The following DTX4 variants were observed in gnomAD, a reference collection of about 807,000 sequenced individuals.
DTX4 encodes the protein E3 ubiquitin-protein ligase DTX4.
DTX4 carries 28 observed loss-of-function variants against 57.6 expected under a neutral mutation model. The ratio of observed to expected loss-of-function variants is 0.49; its 90% confidence interval spans 0.36 to 0.67. The LOEUF (loss-of-function observed/expected upper bound fraction) is 0.67. Among genes scored for constraint, DTX4 ranks in the 30% least tolerant of loss-of-function variants. The pLI is 0.00. For synonymous variants in DTX4, 316 were observed against 331.0 expected (o/e 0.95, Z 0.49); for missense variants, 715 against 836.8 (o/e 0.85, Z 1.80).
intron 3 of DTX4, 22 bp from the exon 4 acceptor site, chr11:59,189,140 A>G: frequency 6.2e-7 from 1 of 1,612,284 alleles, no homozygotes; most frequent in Non-Finnish European, 8.5e-7. Context: ...GTCTTTCCTC[A>G]CCCATGCCCT....
In DTX4 at chr11:59,172,253, G is replaced by A. The variant is rs865853398; in HGVS notation, c.-343G>A. On this transcript the variant is annotated 5_prime_UTR_variant, in exon 1 of 9. Coordinates refer to ENST00000227451, the MANE Select transcript of DTX4 (RefSeq NM_015177.2). ...CCCAGCTCGCGGCCGCCGGGGCTCG[G>A]GCCGCGCGCCCGCCGAGTGGCTTTT... Among the ~76,000 whole-genome samples, 24 of 152,176 alleles carry A rather than the reference G, an allele frequency of 1.6e-4. 2 individuals carry two copies. The South Asian group carries it at 5.0e-3, about 32-fold the overall frequency.
At chr11:59,188,618 T>C in intron 2 of DTX4, 117 bp from the exon 3 acceptor site, 1 of 802,874 alleles carries the variant, frequency 1.2e-6, no homozygotes, top group Admixed American at 2.2e-5. Context: ...GTTTTGAAGA[T>C]GTCACTTCCT....
In DTX4 at chr11:59,204,978, A is replaced by C; in HGVS notation, c.*69A>C. On this transcript the variant is annotated 3_prime_UTR_variant, in exon 9 of 9. Coordinates refer to ENST00000227451, the MANE Select transcript of DTX4 (RefSeq NM_015177.2). ...GACAGGAAGTGAGGAGAGTGAGTCA[A>C]TGTAGAAGAAGTTGGTGTCCTGCCC... 1 of 1,400,932 alleles carries C rather than the reference A, an allele frequency of 7.1e-7. No homozygotes were observed. The highest frequency in any genetic ancestry group is 9.8e-7 in the Non-Finnish European group (1 of 1,018,340). The allele number at this position is 1,400,932 out of a possible 1,614,324, so 86.8% of individuals were successfully genotyped here. A position where few individuals can be genotyped will look rare whatever the true frequency, so the allele number is the denominator to read the frequency against.
At chr11:59,195,098 G>T in intron 6 of DTX4, 110 bp from the exon 7 acceptor site, 2 of 1,097,216 alleles carry the variant, frequency 1.8e-6, no homozygotes, top group South Asian at 2.5e-5. Context: ...CACTCACCAG[G>T]GTGCATTTTG....
chr11:59,192,139 C>T lies in DTX4; in HGVS notation c.1263C>T (p.Gly421=), dbSNP rs767209563. The T allele has an allele frequency of 6.2e-7, 1 of 1,613,912 alleles. No homozygotes were observed. The highest frequency in any genetic ancestry group is 8.5e-7 in the Non-Finnish European group (1 of 1,179,894). The part of the protein sequence containing the change: ...ICMERLTAPS[G]YKGPQPTVKP... Reference sequence around the variant, plus strand: ...TGGAACGCCTCACGGCCCCCTCAGGCTACAAGGGCCCGCAGCCTACGGTAA... The same window carrying T: ...TGGAACGCCTCACGGCCCCCTCAGGTTACAAGGGCCCGCAGCCTACGGTAA... The change falls in exon 6 of 9, where the codon GGC becomes GGT. Residue 421 remains glycine (G), a synonymous_variant. Transcript: ENST00000227451.
At chr11:59,197,089 T>C (rs1284795826) in intron 7 of DTX4, among the ~76,000 whole-genome samples, 2 of 152,132 alleles carry the variant, frequency 1.3e-5, no homozygotes, top group South Asian at 2.1e-4. Context: ...AGGAGCCCAA[T>C]TGGCAGAGGT....
At chr11:59,196,460 C>T (rs572084640) in intron 7 of DTX4, among the ~76,000 whole-genome samples, 3 of 152,362 alleles carry the variant, frequency 2.0e-5, no homozygotes, top group African/African-American at 7.2e-5. Flanking sequence ...CTAATAAAAC[C>T]TCTGAGATGC....
chr11:59,204,140 G>T (rs921450739), intron 8 of DTX4, among the ~76,000 whole-genome samples: 7 of 152,126 alleles, frequency 4.6e-5, no homozygotes, highest in African/African-American at 1.4e-4. Context: ...CCTCGAGAAA[G>T]TCAGAGTGCT....
intron 4 of DTX4, among the ~76,000 whole-genome samples, chr11:59,189,988 C>T (rs1475284579): frequency 6.6e-6 from 1 of 152,192 alleles, no homozygotes; most frequent in Non-Finnish European, 1.5e-5. Flanking sequence ...TCCCTAAGCC[C>T]CAATCTTGCA....
At chr11:59,201,104 C>T (rs1430283434) in intron 8 of DTX4, among the ~76,000 whole-genome samples, 1 of 152,150 alleles carries the variant, frequency 6.6e-6, no homozygotes, top group Non-Finnish European at 1.5e-5. Flanking sequence ...AGGACTTGTT[C>T]ATATGAACCC....
In DTX4 at chr11:59,172,692, G is replaced by T. The variant is rs1290906540; in HGVS notation, c.97G>T (p.Val33Leu). The change falls in exon 1 of 9, where the codon GTG becomes TTG. Residue 33 changes from valine to leucine, a missense_variant. Transcript: ENST00000227451. ...SPAVSHHIEA[V>L]VRAGPRAGGS... ...AGCGGTGAGCCACCACATCGAGGCG[G>T]TGGTCCGCGCCGGCCCCCGCGCGGG... The T allele has an allele frequency of 6.2e-7, 1 of 1,601,052 alleles. No homozygotes were observed. The highest frequency in any genetic ancestry group is 8.5e-7 in the Non-Finnish European group (1 of 1,176,256).
At chr11:59,197,735 G>A (rs553989650) in intron 7 of DTX4, among the ~76,000 whole-genome samples, 54 of 152,256 alleles carry the variant, frequency 3.5e-4, no homozygotes, top group African/African-American at 1.3e-3. Context: ...TTGGATATGG[G>A]GTCAGGTGAG....
intron 1 of DTX4, among the ~76,000 whole-genome samples, chr11:59,175,900 T>G (rs1282778783): frequency 6.6e-5 from 10 of 152,218 alleles, no homozygotes; most frequent in Non-Finnish European, 1.2e-4. Context: ...CCTCATTTTT[T>G]TTTTTTTTTT....
In DTX4 at chr11:59,172,754, C is replaced by T. The variant is rs368999650; in HGVS notation, c.159C>T (p.Leu53=). 15 of 1,602,598 alleles carry T rather than the reference C, an allele frequency of 9.4e-6. No homozygotes were observed. In the East Asian group the frequency reaches 2.5e-4, roughly 27 times the overall value. The change falls in exon 1 of 9, where the codon CTC becomes CTT. Residue 53 remains leucine (L), a synonymous_variant. Transcript: ENST00000227451. The part of the protein sequence containing the change: ...SVVLGQVDSR[L]APYIIDLQSM... The stretch of plus-strand genomic sequence containing the variant: ...TGCTGGGCCAGGTGGACAGCCGTCT[C>T]GCGCCCTACATCATCGACCTGCAGT...
intron 1 of DTX4, among the ~76,000 whole-genome samples, chr11:59,173,879 G>C (rs1280740661): frequency 6.6e-6 from 1 of 152,170 alleles, no homozygotes; most frequent in Non-Finnish European, 1.5e-5. Flanking sequence ...GCCTCCGTCA[G>C]TGACAGGTGG....
chr11:59,172,155 A>G lies in DTX4; in HGVS notation c.-441A>G, dbSNP rs1862332122. ...CCATTCCGAGCGCGGCCGTGCGGCGAGATCCCACCCCGGCGTCTGCAGAGG... is the reference window on the plus strand; with the variant it reads ...CCATTCCGAGCGCGGCCGTGCGGCGGGATCCCACCCCGGCGTCTGCAGAGG... On this transcript the variant is annotated 5_prime_UTR_variant, in exon 1 of 9. Transcript: ENST00000227451. Among the ~76,000 whole-genome samples, 1 of 151,898 alleles carries G rather than the reference A, an allele frequency of 6.6e-6. No homozygotes were observed.
intron 5 of DTX4, 44 bp downstream of exon 5, chr11:59,191,219 C>G: frequency 6.5e-7 from 1 of 1,534,546 alleles, no homozygotes; most frequent in South Asian, 1.2e-5. Context: ...CTCCATCACC[C>G]ACAAGCATTT....
intron 2 of DTX4, among the ~76,000 whole-genome samples, chr11:59,187,107 G>T (rs913189028): frequency 2.2e-4 from 34 of 152,222 alleles, no homozygotes; most frequent in Non-Finnish European, 3.8e-4. Context: ...TGGCATGGAG[G>T]TCCCGTTGCA....
At chr11:59,199,658 TTTGC>T (rs760717087) in intron 7 of DTX4, 22 bp from the exon 8 acceptor site, 1 of 1,547,906 alleles carries the variant, frequency 6.5e-7, no homozygotes, top group Non-Finnish European at 8.8e-7. Context: ...AAAAATGCCA[TTTGC>T]TTGCTTGCTT....
Sources: allele counts gnomAD v4.1 joint callset (sites outside exome capture counted in the v4.1 genomes callset), GRCh38; gene constraint gnomAD v4.1.1; transcripts MANE v1.5; gene names NCBI Gene and HGNC (gene_info 2026-07-23, HGNC 2026-07-21).